Variants in COL24A1 observed in about 807,000 individuals in gnomAD.
The protein encoded by COL24A1 is collagen type XXIV alpha 1 chain, also known as collagen alpha-1(XXIV) chain.
A neutral mutation model predicts 253.9 loss-of-function variants in COL24A1; 224 were observed. The observed-to-expected ratio is 0.88, with a 90% CI of 0.79 to 0.99. The LOEUF is 0.99. Among genes scored for constraint, COL24A1 ranks in the 50% least tolerant of loss-of-function variants. The probability of loss-of-function intolerance (pLI) is 0.00; values close to 1 mark genes in which losing one functional copy is unlikely to be tolerated. For missense variants in COL24A1, 2,131 were observed against 2,068.5 expected (o/e 1.03, Z -0.59); for synonymous variants, 685 against 673.7 (o/e 1.02, Z -0.26).
chr1:85,745,621 A>G (rs536265783), intron 55 of COL24A1, 115 bp from the exon 56 acceptor site: 2 of 676,050 alleles, frequency 3.0e-6, no homozygotes, highest in African/African-American at 3.7e-5. Context: ...TTATTATCTG[A>G]AGGGGTTCTG....
chr1:85,830,561 A>T (rs535673744), intron 43 of COL24A1, among the ~76,000 whole-genome samples: 107 of 152,206 alleles, frequency 7.0e-4, no homozygotes, highest in African/African-American at 2.1e-3. Flanking sequence ...CTGCTGTGCT[A>T]GCAATCAGCG....
chr1:86,146,867 G>T (rs995274099), intron 1 of COL24A1, among the ~76,000 whole-genome samples: 2 of 152,072 alleles, frequency 1.3e-5, no homozygotes, highest in East Asian at 1.9e-4. Context: ...AAGCAAAAAT[G>T]TTTTGTGACA....
chr1:85,782,388 C>T (rs1420575841), intron 51 of COL24A1, among the ~76,000 whole-genome samples: 3 of 152,136 alleles, frequency 2.0e-5, no homozygotes, highest in Non-Finnish European at 4.4e-5. Context: ...GCATCTGGCC[C>T]TTTTTGCATT....
intron 47 of COL24A1, among the ~76,000 whole-genome samples, chr1:85,809,867 AT>A (rs1294518312): frequency 2.0e-5 from 3 of 150,634 alleles, no homozygotes; most frequent in Non-Finnish European, 4.4e-5. Context: ...GCATTAGTAC[AT>A]TTACATTATT....
chr1:86,095,049 T>G (rs1204090036), intron 5 of COL24A1, among the ~76,000 whole-genome samples: 1 of 152,050 alleles, frequency 6.6e-6, no homozygotes, highest in Non-Finnish European at 1.5e-5. Flanking sequence ...AGGCTATAAT[T>G]TACAAAGATT....
chr1:86,112,760 C>T (rs1193221000), intron 4 of COL24A1, 140 bp from the exon 5 acceptor site: 3 of 640,228 alleles, frequency 4.7e-6, no homozygotes, highest in Non-Finnish European at 7.6e-6. Flanking sequence ...CCTTAAAGAC[C>T]TACTTACTTC....
intron 52 of COL24A1, among the ~76,000 whole-genome samples, chr1:85,777,892 T>G (rs1668718885): frequency 6.6e-6 from 1 of 152,136 alleles, no homozygotes; most frequent in Non-Finnish European, 1.5e-5. Context: ...TATAAAACAA[T>G]AGTTGAACTT....
At chr1:86,127,592 T>A (rs1410122013) in intron 2 of COL24A1, among the ~76,000 whole-genome samples, 1 of 152,082 alleles carries the variant, frequency 6.6e-6, no homozygotes, top group Non-Finnish European at 1.5e-5. Context: ...TCTTTATTAT[T>A]CTTTGGGTTA....
intron 35 of COL24A1, among the ~76,000 whole-genome samples, chr1:85,872,332 T>G (rs891486633): frequency 3.9e-5 from 6 of 152,098 alleles, no homozygotes; most frequent in South Asian, 2.1e-4. Flanking sequence ...TTCACAGAAT[T>G]GGAAAAAACT....
intron 22 of COL24A1, among the ~76,000 whole-genome samples, chr1:85,967,949 A>C (rs1691735052): frequency 6.6e-6 from 1 of 152,166 alleles, no homozygotes; most frequent in Non-Finnish European, 1.5e-5. Flanking sequence ...GGGCTGGGGA[A>C]GGCAGATCCA....
chr1:86,121,845 A>C (rs1557708952), intron 3 of COL24A1, among the ~76,000 whole-genome samples: 1 of 152,140 alleles, frequency 6.6e-6, no homozygotes, highest in African/African-American at 2.4e-5. Flanking sequence ...TCTTCAGATC[A>C]AAATAATCTT....
intron 20 of COL24A1, among the ~76,000 whole-genome samples, chr1:85,972,846 C>G (rs1692310991): frequency 6.6e-6 from 1 of 150,992 alleles, no homozygotes; most frequent in African/African-American, 2.4e-5. Context: ...TAAAACTGAA[C>G]AGTGGGAAAC....
chr1:85,809,577 T>C (rs1672320145), intron 47 of COL24A1, among the ~76,000 whole-genome samples: 1 of 151,912 alleles, frequency 6.6e-6, no homozygotes, highest in Non-Finnish European at 1.5e-5. Flanking sequence ...TCCTCCAAAG[T>C]AGAGATAAAT....
At chr1:85,841,528 C>G (rs1676615555) in intron 41 of COL24A1, among the ~76,000 whole-genome samples, 2 of 152,064 alleles carry the variant, frequency 1.3e-5, no homozygotes, top group African/African-American at 4.8e-5. Flanking sequence ...CTTAAAGTGT[C>G]AGATTTCAAT....
chr1:85,862,130 T>A (rs1679223538), intron 37 of COL24A1, among the ~76,000 whole-genome samples: 1 of 152,232 alleles, frequency 6.6e-6, no homozygotes, highest in Non-Finnish European at 1.5e-5. Flanking sequence ...TTCATTAGTA[T>A]GTTTATTTCC....
chr1:85,899,188 T>C (rs1255495953), intron 28 of COL24A1, among the ~76,000 whole-genome samples: 1 of 152,112 alleles, frequency 6.6e-6, no homozygotes, highest in Non-Finnish European at 1.5e-5. Flanking sequence ...TCTTCTCTTT[T>C]TGCTCCAAAA....
intron 52 of COL24A1, among the ~76,000 whole-genome samples, chr1:85,779,721 G>T (rs1269955736): frequency 6.6e-6 from 1 of 152,114 alleles, no homozygotes; most frequent in East Asian, 1.9e-4. Context: ...CTGGGCTCTA[G>T]TCTGTTACAC....
At chr1:85,769,241 G>C (rs1213390346) in intron 53 of COL24A1, among the ~76,000 whole-genome samples, 1 of 152,034 alleles carries the variant, frequency 6.6e-6, no homozygotes, top group Non-Finnish European at 1.5e-5. Flanking sequence ...AAAATCAACA[G>C]TTAAAATGTT....
At chr1:85,905,918 A>G (rs549800307) in intron 28 of COL24A1, among the ~76,000 whole-genome samples, 1 of 152,218 alleles carries the variant, frequency 6.6e-6, no homozygotes, top group South Asian at 2.1e-4. Context: ...GAACTTTCCC[A>G]TTATGACTTA....
Sources: allele counts gnomAD v4.1 joint callset (sites outside exome capture counted in the v4.1 genomes callset), GRCh38; gene constraint gnomAD v4.1.1; transcripts MANE v1.5; gene names NCBI Gene and HGNC (gene_info 2026-07-23, HGNC 2026-07-21).